CAMK4: variants seen among roughly 807,000 people sequenced by gnomAD.
CAMK4 encodes calcium/calmodulin dependent protein kinase IV.
Under a neutral mutation model 44.9 loss-of-function variants are expected in CAMK4, and 22 were observed. That is an observed-to-expected ratio of 0.49 (90% CI 0.35 to 0.70). CAMK4 has a LOEUF of 0.70. CAMK4 is among the 30% of genes least tolerant of loss of function. The pLI is 0.01. For synonymous variants in CAMK4, 218 were observed against 215.4 expected, an observed-to-expected ratio of 1.01 and a Z score of -0.11; for missense variants, 498 against 586.8, an observed-to-expected ratio of 0.85 and a Z score of 1.56.
intron 4 of CAMK4, among the ~76,000 whole-genome samples, chr5:111,392,126 A>G (rs1414071653): frequency 1.3e-5 from 2 of 152,148 alleles, no homozygotes; most frequent in African/African-American, 4.8e-5. Flanking sequence ...TTGCTAGTGT[A>G]TTAGTCTGTT....
chr5:111,471,722 C>A (rs995495839), intron 7 of CAMK4, among the ~76,000 whole-genome samples: 2 of 152,032 alleles, frequency 1.3e-5, no homozygotes, highest in African/African-American at 2.4e-5. Flanking sequence ...TTTACCATGA[C>A]CTTTTGAAGA....
intron 4 of CAMK4, among the ~76,000 whole-genome samples, chr5:111,389,297 C>T (rs2112851185): frequency 6.6e-6 from 1 of 152,290 alleles, no homozygotes; most frequent in South Asian, 2.1e-4. Context: ...GCCCCACCTC[C>T]TAATAACATC....
chr5:111,362,874 G>A (rs1348243284), intron 2 of CAMK4, among the ~76,000 whole-genome samples: 23 of 152,024 alleles, frequency 1.5e-4, no homozygotes, highest in Admixed American at 1.5e-3. Flanking sequence ...GGATATCATA[G>A]TTGCTTCTTT....
intron 2 of CAMK4, among the ~76,000 whole-genome samples, chr5:111,364,191 A>C (rs1007952742): frequency 1.7e-4 from 10 of 60,282 alleles, no homozygotes; most frequent in Admixed American, 5.6e-4. Context: ...AGACCTTTTT[A>C]AAGATGAGAG....
intron 1 of CAMK4, among the ~76,000 whole-genome samples, chr5:111,291,897 A>G (rs902752011): frequency 1.3e-5 from 2 of 152,166 alleles, no homozygotes; most frequent in Non-Finnish European, 2.9e-5. Flanking sequence ...CACTTGTTTG[A>G]TATCTTAGGT....
chr5:111,356,369 A>G (rs965191718), intron 2 of CAMK4, among the ~76,000 whole-genome samples: 1 of 151,660 alleles, frequency 6.6e-6, no homozygotes, highest in African/African-American at 2.4e-5. Flanking sequence ...TTTCTTGTAA[A>G]TTTGTTTGAG....
At chr5:111,315,052 TG>T (rs1451289241) in intron 1 of CAMK4, among the ~76,000 whole-genome samples, 7 of 152,162 alleles carry the variant, frequency 4.6e-5, no homozygotes, top group Non-Finnish European at 8.8e-5. Context: ...CTTGGTTTCC[TG>T]GTAAACAAAT....
At chr5:111,267,447 T>A (rs371681611) in intron 1 of CAMK4, among the ~76,000 whole-genome samples, 1 of 152,256 alleles carries the variant, frequency 6.6e-6, no homozygotes, top group East Asian at 1.9e-4. Flanking sequence ...CCGGGCGCGG[T>A]GGCTCACGCC....
chr5:111,439,430 A>G (rs898566143), intron 5 of CAMK4, among the ~76,000 whole-genome samples: 3 of 152,188 alleles, frequency 2.0e-5, no homozygotes, highest in Non-Finnish European at 4.4e-5. Flanking sequence ...GGGAGAGCCT[A>G]CACATCAACA....
At chr5:111,281,016 G>A (rs1053405558) in intron 1 of CAMK4, among the ~76,000 whole-genome samples, 1 of 152,224 alleles carries the variant, frequency 6.6e-6, no homozygotes, top group Non-Finnish European at 1.5e-5. Flanking sequence ...ATAACATCTG[G>A]AGGAGAAAGG....
rs73788812 is a variant in CAMK4 at position 111,344,739 on chromosome 5, G to A, written c.240+637G>A. ...GCCCTACACTCATAGATAAGCTGAG[G>A]AGGCAAAAGTGACTTAGGCTTATCT... On this transcript the variant is annotated intron_variant, in intron 2 of 10. Coordinates refer to ENST00000282356, the MANE Select transcript of CAMK4 (RefSeq NM_001744.6). Among the ~76,000 whole-genome samples, 1,110 of 151,798 alleles carry A rather than the reference G, an allele frequency of 7.3e-3. 14 individuals carry two copies. Among genetic ancestry groups the A allele is most frequent in the African/African-American group, 0.025 (1,044 of 41,466 alleles).
chr5:111,456,830 A>G lies in CAMK4; in HGVS notation c.625+7627A>G, dbSNP rs144126494. Among the ~76,000 whole-genome samples, 52 of 152,330 alleles carry G rather than the reference A, an allele frequency of 3.4e-4. No individual in the cohort carries two copies. The East Asian group carries it at 9.5e-3, about 28-fold the overall frequency. On this transcript the variant is annotated intron_variant, in intron 7 of 10. Transcript: ENST00000282356. ...TGTATCCTTCTGTGTAACTTAATAT[A>G]TACCTACTTAAAATTATTATTCCAA...
At chr5:111,288,675 C>T (rs1459002919) in intron 1 of CAMK4, among the ~76,000 whole-genome samples, 3 of 152,156 alleles carry the variant, frequency 2.0e-5, no homozygotes, top group Non-Finnish European at 2.9e-5. Context: ...CTCCTTTCCT[C>T]TTATGGCAGA....
intron 1 of CAMK4, among the ~76,000 whole-genome samples, chr5:111,310,425 G>C (rs1457982484): frequency 6.6e-6 from 1 of 152,176 alleles, no homozygotes; most frequent in African/African-American, 2.4e-5. Context: ...TGACAAAAGA[G>C]GCATGAGCCA....
At chr5:111,226,582 G>T (rs546510320) in intron 1 of CAMK4, among the ~76,000 whole-genome samples, 1 of 152,280 alleles carries the variant, frequency 6.6e-6, no homozygotes, top group Admixed American at 6.5e-5. Flanking sequence ...GCCTACATTT[G>T]GGCAAAATCA....
At chr5:111,310,754 AG>A (rs1235576324) in intron 1 of CAMK4, among the ~76,000 whole-genome samples, 2 of 152,202 alleles carry the variant, frequency 1.3e-5, no homozygotes, top group African/African-American at 4.8e-5. Context: ...AATTATAAAA[AG>A]TATATTGGCC....
chr5:111,293,990 G>A (rs933201636), intron 1 of CAMK4, among the ~76,000 whole-genome samples: 3 of 151,840 alleles, frequency 2.0e-5, no homozygotes, highest in Non-Finnish European at 4.4e-5. Flanking sequence ...CTCGTGACCC[G>A]CCTGCCTCGG....
chr5:111,408,386 A>G (rs1227464527), intron 5 of CAMK4, among the ~76,000 whole-genome samples: 1 of 152,202 alleles, frequency 6.6e-6, no homozygotes, highest in Non-Finnish European at 1.5e-5. Flanking sequence ...ACATGGTGAC[A>G]GGCAAGAGGG....
chr5:111,245,760 T>A (rs1749205179), intron 1 of CAMK4, among the ~76,000 whole-genome samples: 1 of 152,256 alleles, frequency 6.6e-6, no homozygotes, highest in African/African-American at 2.4e-5. Flanking sequence ...TGCCATAAAA[T>A]GCTGCGCATT....
Sources: gnomAD v4.1 joint callset for allele counts (sites outside exome capture counted in the v4.1 genomes callset) on GRCh38, gnomAD v4.1.1 for gene constraint, MANE v1.5 for transcripts, NCBI Gene and HGNC (gene_info 2026-07-23, HGNC 2026-07-21) for gene names.